Variants in FYN observed in about 807,000 individuals in gnomAD.
FYN encodes tyrosine-protein kinase Fyn.
FYN carries 10 observed loss-of-function variants against 70.2 expected under a neutral mutation model. That is an observed-to-expected ratio of 0.14 (90% CI 0.09 to 0.24). The LOEUF (loss-of-function observed/expected upper bound fraction) is 0.24, where lower values mean the gene tolerates loss of function less well. Among genes scored for constraint, FYN ranks in the 10% least tolerant of loss-of-function variants. FYN has a pLI of 1.00. For synonymous variants in FYN, 236 were observed against 248.6 expected (o/e 0.95, Z 0.48); for missense variants, 319 against 673.1 (o/e 0.47, Z 5.82).
chr6:111,676,325 A>G (rs901057648), intron 12 of FYN: 1 of 152,228 alleles, frequency 6.6e-6, no homozygotes, highest in Non-Finnish European at 1.5e-5. Flanking sequence ...TTAACACTGG[A>G]GCAGAAAAGT....
intron 12 of FYN, among the ~76,000 whole-genome samples, chr6:111,689,969 T>C (rs959278858): frequency 2.0e-5 from 3 of 152,212 alleles, no homozygotes; most frequent in Non-Finnish European, 4.4e-5. Context: ...AAGTTATGCT[T>C]ACACACAGCC....
intron 3 of FYN, among the ~76,000 whole-genome samples, chr6:111,770,983 T>C (rs992226556): frequency 1.3e-5 from 2 of 152,172 alleles, no homozygotes; most frequent in Admixed American, 6.5e-5. Context: ...AACCTCTCTG[T>C]GCTTCAGGCG....
chr6:111,758,492 G>C (rs905832055), intron 3 of FYN, among the ~76,000 whole-genome samples: 2 of 152,138 alleles, frequency 1.3e-5, no homozygotes, highest in African/African-American at 4.8e-5. Context: ...AAAATGCCTA[G>C]AATTCACATC....
At chr6:111,843,870 C>A (rs530141949) in intron 2 of FYN, among the ~76,000 whole-genome samples, 1 of 152,242 alleles carries the variant, frequency 6.6e-6, no homozygotes, top group Non-Finnish European at 1.5e-5. Context: ...GATAGGGCAA[C>A]CCCATCCAGC....
intron 1 of FYN, among the ~76,000 whole-genome samples, chr6:111,860,729 T>C (rs1692403931): frequency 6.6e-6 from 1 of 152,204 alleles, no homozygotes; most frequent in Admixed American, 6.5e-5. Flanking sequence ...TCTGGTTCTG[T>C]TCATTCTACC....
chr6:111,683,343 CAGGACAGGCCTGGGTG>C lies in FYN; in HGVS notation c.1274-8729_1274-8714del, dbSNP rs1456010722. ...CGGTGGGGAGGGTCACGGCAGGGGC[CAGGACAGGCCTGGGTG>C]GGCCCAGCTCACATCTCCGGAGAGC... On this transcript the variant is annotated intron_variant, in intron 12 of 13. Coordinates refer to ENST00000354650, the MANE Select transcript of FYN (RefSeq NM_002037.5). Among the ~76,000 whole-genome samples the C allele has an allele frequency of 2.0e-5, 3 of 152,372 alleles. No homozygotes were observed. The East Asian group carries it at 5.8e-4, about 29-fold the overall frequency.
chr6:111,815,789 G>A (rs779437284), intron 2 of FYN, among the ~76,000 whole-genome samples: 59 of 149,920 alleles, frequency 3.9e-4, no homozygotes, highest in Non-Finnish European at 7.8e-4. Context: ...TGTGATCATC[G>A]CTCATTGCAG....
At chr6:111,820,187 TA>T (rs1284960991) in intron 2 of FYN, 1 of 152,242 alleles carries the variant, frequency 6.6e-6, no homozygotes, top group East Asian at 1.9e-4. Context: ...GCTCACTTCA[TA>T]AACCTCAACT....
intron 3 of FYN, among the ~76,000 whole-genome samples, chr6:111,763,915 A>C (rs1803105427): frequency 6.6e-6 from 1 of 152,190 alleles, no homozygotes; most frequent in Non-Finnish European, 1.5e-5. Context: ...AAATGCAATA[A>C]GGTGTGGGAA....
intron 3 of FYN, among the ~76,000 whole-genome samples, chr6:111,770,085 G>C (rs1803387644): frequency 6.6e-6 from 1 of 152,126 alleles, no homozygotes; most frequent in Admixed American, 6.5e-5. Flanking sequence ...TATGTCTTCT[G>C]TACTGCTGTG....
intron 13 of FYN, among the ~76,000 whole-genome samples, chr6:111,665,053 A>G (rs1797934405): frequency 6.6e-6 from 1 of 152,234 alleles, no homozygotes; most frequent in African/African-American, 2.4e-5. Context: ...TTTATTTTAT[A>G]AACAATAGCT....
intron 2 of FYN, among the ~76,000 whole-genome samples, chr6:111,835,041 C>CA (rs956438897): frequency 6.6e-6 from 1 of 152,142 alleles, no homozygotes; most frequent in Non-Finnish European, 1.5e-5. Context: ...TGAATTTAGA[C>CA]AAAATAGGAA....
intron 9 of FYN, among the ~76,000 whole-genome samples, chr6:111,698,841 T>G (rs894717582): frequency 6.6e-6 from 1 of 152,086 alleles, no homozygotes; most frequent in Non-Finnish European, 1.5e-5. Context: ...TCCCAGCACT[T>G]TGGGAGGATG....
chr6:111,713,993 G>A (rs929872974), intron 5 of FYN, among the ~76,000 whole-genome samples: 17 of 152,236 alleles, frequency 1.1e-4, no homozygotes, highest in African/African-American at 1.9e-4. Flanking sequence ...AGCACGAAAC[G>A]TGGGTAGCCA....
chr6:111,747,928 A>T (rs1802303772), intron 3 of FYN, among the ~76,000 whole-genome samples: 1 of 152,278 alleles, frequency 6.6e-6, no homozygotes, highest in Non-Finnish European at 1.5e-5. Flanking sequence ...GAGGAAAATA[A>T]AACAGCCTCA....
At chr6:111,764,238 G>A (rs201334277) in intron 3 of FYN, among the ~76,000 whole-genome samples, 2,047 of 83,672 alleles carry the variant, frequency 0.024, no homozygotes, top group East Asian at 0.07. Flanking sequence ...AAAAAGAAAA[G>A]AAAAAAAAAG....
rs200994286 is a variant in FYN, at chr6:111,696,370, T to C, written c.949A>G (p.Ile317Val). Reference protein sequence around the residue: ...SPESFLEEAQIMKKLKHDKLV... With the variant: ...SPESFLEEAQVMKKLKHDKLV... Reference sequence around the variant, plus strand: ...TTGTCGTGCTTCAGCTTCTTCATGATCTGCGCTTCCTCAAGGAATGATTCG... The same window carrying C: ...TTGTCGTGCTTCAGCTTCTTCATGACCTGCGCTTCCTCAAGGAATGATTCG... Residue 317 changes from isoleucine (I) to valine (V), a missense_variant, in exon 10 of 14, where the codon ATC (isoleucine) becomes GTC (valine). Around this residue, in one of 4 missense-constraint regions of FYN, gnomAD observed 112 missense variants for 250.2 expected, o/e 0.45. Coordinates refer to ENST00000354650, the MANE Select transcript of FYN (RefSeq NM_002037.5). 6.2e-7 allele frequency: 1 copy of C among 1,613,972 alleles called. No individual in the cohort carries two copies.
intron 2 of FYN, among the ~76,000 whole-genome samples, chr6:111,815,372 G>T (rs1562531341): frequency 6.6e-6 from 1 of 152,174 alleles, no homozygotes; most frequent in East Asian, 1.9e-4. Flanking sequence ...AGGAGGAACT[G>T]AAATGTTTGT....
In FYN at chr6:111,692,105, C is replaced by G. The variant is rs867465468; in HGVS notation, c.1273+2270G>C. ...CCTGCCTTGCCAAGCTTCATTTCCC[C>G]CCCCCCCAGTTCAGCTCTCCAGTTC... On this transcript the variant is annotated intron_variant, in intron 12 of 13. Coordinates refer to ENST00000354650, the MANE Select transcript of FYN (RefSeq NM_002037.5). Among the ~76,000 whole-genome samples, 52 of 147,026 alleles carry G rather than the reference C, an allele frequency of 3.5e-4. 1 individual carries two copies. Among genetic ancestry groups the G allele is most frequent in the African/African-American group, 1.0e-3 (42 of 40,500 alleles).
Sources: gnomAD v4.1 joint callset for allele counts (sites outside exome capture counted in the v4.1 genomes callset) on GRCh38, gnomAD v4.1.1 for gene constraint, gnomAD v4.1.1 regional missense constraint, MANE v1.5 for transcripts, NCBI Gene and HGNC (gene_info 2026-07-23, HGNC 2026-07-21) for gene names.